The following KLHL41 variants were observed in gnomAD, a reference collection of about 807,000 sequenced individuals.
The protein encoded by KLHL41 is kelch like family member 41.
KLHL41 carries 31 observed loss-of-function variants against 49.2 expected under a neutral mutation model. The observed-to-expected ratio is 0.63, with a 90% confidence interval of 0.47 to 0.85. KLHL41 has a LOEUF of 0.85. Ranked by LOEUF, KLHL41 falls within the 40% of genes least tolerant of loss-of-function variation. The probability of loss-of-function intolerance (pLI) is 0.00; values close to 1 mark genes in which losing one functional copy is unlikely to be tolerated. For synonymous variants in KLHL41, 218 were observed against 258.5 expected, an observed-to-expected ratio of 0.84 and a Z score of 1.50; for missense variants, 663 against 726.7, an observed-to-expected ratio of 0.91 and a Z score of 1.01.
Position 169,510,917 on chromosome 2 carries a change from G to T in KLHL41, c.1110+29G>T. 6.3e-7 allele frequency: 1 copy of T among 1,582,098 alleles called. No individual in the cohort carries two copies. The highest frequency in any genetic ancestry group is 8.6e-7 in the Non-Finnish European group (1 of 1,160,722). Reference sequence around the variant, plus strand: ...AGAAGGACTTTTTGTATATGTAGTTGCTTAAAGGGAAGGCTGTTACTCACC... The same window carrying T: ...AGAAGGACTTTTTGTATATGTAGTTTCTTAAAGGGAAGGCTGTTACTCACC... On this transcript the variant is annotated intron_variant, in intron 1 of 5. Coordinates refer to ENST00000284669, the MANE Select transcript of KLHL41 (RefSeq NM_006063.3). The surrounding 1 kb of genome is among the most constrained non-coding windows in gnomAD (Gnocchi z 4.2).
intron 5 of KLHL41, among the ~76,000 whole-genome samples, chr2:169,521,593 A>G (rs1684205396): frequency 1.3e-5 from 2 of 151,928 alleles, no homozygotes; most frequent in Non-Finnish European, 2.9e-5. Flanking sequence ...GCATTTCGCC[A>G]TGTTGGCCAG....
intron 1 of KLHL41, among the ~76,000 whole-genome samples, chr2:169,513,179 A>C (rs1434302968): frequency 6.6e-6 from 1 of 152,178 alleles, no homozygotes; most frequent in African/African-American, 2.4e-5. Flanking sequence ...TGCTGTTTCC[A>C]TTTTTTAAAA....
chr2:169,516,946 G>A (rs998524712), intron 3 of KLHL41, among the ~76,000 whole-genome samples: 8 of 151,944 alleles, frequency 5.3e-5, no homozygotes, highest in Admixed American at 1.3e-4. Flanking sequence ...ACTTGAACCC[G>A]GGAGACAGTG....
chr2:169,514,684 C>G lies in KLHL41; in HGVS notation c.1221C>G (p.Asp407Glu), dbSNP rs1428005932. The change falls in exon 2 of 6, where the codon GAC (aspartate) becomes GAG (glutamate). Residue 407 changes from aspartate (D) to glutamate (E), a missense_variant. By Grantham distance (45) the Asp-to-Glu change is conservative. Transcript: ENST00000284669. ...AAATCTATGTAGTTGCAGGCAAAGA[C>G]CTTCAAACAGAGGCTTCGCTGGATT... Reference protein sequence around the residue: ...DDKIYVVAGKDLQTEASLDSV... With the variant: ...DDKIYVVAGKELQTEASLDSV... 1 of 1,614,016 alleles carries G rather than the reference C, an allele frequency of 6.2e-7. No individual in the cohort carries two copies. Among genetic ancestry groups the G allele is most frequent in the East Asian group, 2.2e-5 (1 of 44,862 alleles).
intron 1 of KLHL41, among the ~76,000 whole-genome samples, chr2:169,511,518 T>G (rs79822311): frequency 0.048 from 7,301 of 152,280 alleles, 205 homozygotes; most frequent in East Asian, 0.14. Flanking sequence ...AGCTCTAAAT[T>G]GGTCAGATTT....
Position 169,525,565 on chromosome 2 carries a change from C to CT in KLHL41, c.1710-11dup, listed in dbSNP as rs762591099. The CT allele has an allele frequency of 7.1e-4, 1,010 of 1,420,110 alleles. No homozygotes were observed. The highest frequency in any genetic ancestry group is 8.9e-4 in the Non-Finnish European group (901 of 1,007,602). 88.0% of individuals were successfully genotyped at this position (1,420,110 alleles called of 1,614,324 possible). A position where few individuals can be genotyped will look rare whatever the true frequency, so the allele number is the denominator to read the frequency against. On this transcript the variant is annotated intron_variant, in intron 5 of 5. Coordinates refer to ENST00000284669, the MANE Select transcript of KLHL41 (RefSeq NM_006063.3). ...TGGAACTAAAGCTGCTTATTGATTA[C>CT]TTTTTTTTTCCTCCATCAGGTATGA...
chr2:169,522,743 G>A (rs1449187400), intron 5 of KLHL41, among the ~76,000 whole-genome samples: 1 of 98,516 alleles, frequency 1.0e-5, no homozygotes, highest in African/African-American at 3.9e-5. Flanking sequence ...TTTTTGGTGA[G>A]ACAGAGTCTC....
chr2:169,520,310 G>A (rs957619568), intron 4 of KLHL41, among the ~76,000 whole-genome samples: 2 of 109,494 alleles, frequency 1.8e-5, no homozygotes, highest in South Asian at 4.3e-4. Flanking sequence ...GTGTGTGTGT[G>A]TATGTGTGTG....
rs376724200 is a variant in KLHL41 at position 169,520,888 on chromosome 2, A to G, written c.1590A>G (p.Gln530=). Reference sequence around the variant, plus strand: ...GGGATGTAATGACCGAATTTCCCCAAGAAAGAAGCTCCATCAGTTTGGTCA... The same window carrying G: ...GGGATGTAATGACCGAATTTCCCCAGGAAAGAAGCTCCATCAGTTTGGTCA... The part of the protein sequence containing the change: ...NKWDVMTEFP[Q]ERSSISLVSL... The change falls in exon 5 of 6, where the codon CAA becomes CAG. Residue 530 remains glutamine (Q), a synonymous_variant. Coordinates refer to ENST00000284669, the MANE Select transcript of KLHL41 (RefSeq NM_006063.3). 3.7e-6 allele frequency: 6 copies of G among 1,613,126 alleles called. No individual in the cohort carries two copies. In the African/African-American group the frequency reaches 8.0e-5, roughly 22 times the overall value.
At chr2:169,512,100 G>A in intron 1 of KLHL41, among the ~76,000 whole-genome samples, 1 of 152,156 alleles carries the variant, frequency 6.6e-6, no homozygotes, top group East Asian at 1.9e-4. Context: ...CTCAAAGTGT[G>A]TGATATACTT....
intron 1 of KLHL41, among the ~76,000 whole-genome samples, chr2:169,513,807 AAAGT>A (rs1226816705): frequency 6.6e-6 from 1 of 152,182 alleles, no homozygotes; most frequent in Admixed American, 6.5e-5. Context: ...TAAATTACCA[AAAGT>A]AAGTGATGAA....
At chr2:169,518,729 G>T (rs1372073678) in intron 4 of KLHL41, among the ~76,000 whole-genome samples, 1 of 152,224 alleles carries the variant, frequency 6.6e-6, no homozygotes, top group East Asian at 1.9e-4. Flanking sequence ...ACCCAGGCTG[G>T]AGTGCAGTGG....
chr2:169,518,360 A>T lies in KLHL41; in HGVS notation c.1547A>T (p.Asp516Val). ...DGLSASVEAFDLTTNKWDVMT... is the reference protein window; with the variant it reads ...DGLSASVEAFVLTTNKWDVMT... ...CTTTCAGCTTCAGTTGAAGCTTTTG[A>T]CCTTACAACAAATAAGTGAGTTGCC... The change falls in exon 4 of 6, where the codon GAC becomes GTC. Residue 516 changes from aspartate to valine, a missense_variant. Transcript: ENST00000284669. 1 of 1,611,530 alleles carries T rather than the reference A, an allele frequency of 6.2e-7. No individual in the cohort carries two copies. Among genetic ancestry groups the T allele is most frequent in the Non-Finnish European group, 8.5e-7 (1 of 1,178,898 alleles).
rs1684005928 is a variant in KLHL41, at chr2:169,510,059, C to A, written c.281C>A (p.Ala94Asp). 2 of 1,614,156 alleles carry A rather than the reference C, an allele frequency of 1.2e-6. No individual in the cohort carries two copies. ...TTAATCATCAAATACCTGTACTCTG[C>A]CAGTATTGATCTCAATGACGGAAAT... ...LDLIIKYLYS[A>D]SIDLNDGNVQ... Residue 94 changes from alanine (A) to aspartate (D), a missense_variant, in exon 1 of 6, where the codon GCC (alanine) becomes GAC (aspartate). Ala to Asp is a moderately radical substitution (Grantham distance 126, BLOSUM62 -2). Transcript: ENST00000284669. This position sits in a 1 kb window ranked among gnomAD's most constrained non-coding sequence, Gnocchi z 4.2.
Position 169,510,600 on chromosome 2 carries a change from G to A in KLHL41, c.822G>A (p.Gly274=). ...PEPSKNAAKT[G]AGEVNGDVGD... is the part of the protein sequence containing the mutation. Reference sequence around the variant, plus strand: ...CTAGCAAAAATGCCGCGAAGACTGGGGCTGGTGAGGTGAATGGTGATGTTG... The same window carrying A: ...CTAGCAAAAATGCCGCGAAGACTGGAGCTGGTGAGGTGAATGGTGATGTTG... The change falls in exon 1 of 6, where the codon GGG becomes GGA. Residue 274 remains glycine, a synonymous_variant. Coordinates refer to ENST00000284669, the MANE Select transcript of KLHL41 (RefSeq NM_006063.3). This position sits in a 1 kb window ranked among gnomAD's most constrained non-coding sequence, Gnocchi z 4.2. The A allele has an allele frequency of 1.9e-6, 3 of 1,614,152 alleles. No individual in the cohort carries two copies. The highest frequency in any genetic ancestry group is 2.5e-6 in the Non-Finnish European group (3 of 1,180,032).
rs781536513 is a variant in KLHL41 at position 169,510,737 on chromosome 2, C to A, written c.959C>A (p.Thr320Lys). 6.2e-7 allele frequency: 1 copy of A among 1,614,164 alleles called. No homozygotes were observed. The highest frequency in any genetic ancestry group is 1.1e-5 in the South Asian group (1 of 91,088). Residue 320 changes from threonine to lysine, a missense_variant, in exon 1 of 6, where the codon ACG becomes AAG. By Grantham distance (78) the Thr-to-Lys change is moderately conservative. Transcript: ENST00000284669. This position sits in a 1 kb window ranked among gnomAD's most constrained non-coding sequence, Gnocchi z 4.2. Reference sequence around the variant, plus strand: ...ACAGCAGCAGTGGCTTATGACCCCACGGAAAATGAATGCTACCTTACTGCA... The same window carrying A: ...ACAGCAGCAGTGGCTTATGACCCCAAGGAAAATGAATGCTACCTTACTGCA... ...NDTAAVAYDP[T>K]ENECYLTALA...
Position 169,518,057 on chromosome 2 carries a change from T to G in KLHL41, c.1377-133T>G, listed in dbSNP as rs530124379. ...TGGGCTTGTCCTTTGTTTAGTGGCA[T>G]ATGTTCAAATTAAGAATTCTTTGGA... On this transcript the variant is annotated intron_variant, in intron 3 of 5. Transcript: ENST00000284669. 7.9e-6 allele frequency: 5 copies of G among 635,670 alleles called. No homozygotes were observed. In the East Asian group the frequency reaches 1.4e-4, roughly 17 times the overall value. The allele number at this position is 635,670 out of a possible 1,614,324, so 39.4% of individuals were successfully genotyped here.
rs1448583183 is a variant in KLHL41, at chr2:169,526,227, G to A, written c.*531G>A. On this transcript the variant is annotated 3_prime_UTR_variant, in exon 6 of 6. Coordinates refer to ENST00000284669, the MANE Select transcript of KLHL41 (RefSeq NM_006063.3). Reference sequence around the variant, plus strand: ...TGGGGAAATCGTTTGATGGGGAAAAGTCTCTTGTAAGTAAAAGTAGTCAAA... The same window carrying A: ...TGGGGAAATCGTTTGATGGGGAAAAATCTCTTGTAAGTAAAAGTAGTCAAA... 1 of 152,234 alleles carries A rather than the reference G, an allele frequency of 6.6e-6. No individual in the cohort carries two copies. Among genetic ancestry groups the A allele is most frequent in the Non-Finnish European group, 1.5e-5 (1 of 68,038 alleles). 9.4% of individuals were successfully genotyped at this position (152,234 alleles called of 1,614,324 possible). A position where few individuals can be genotyped will look rare whatever the true frequency, so the allele number is the denominator to read the frequency against.
intron 5 of KLHL41, among the ~76,000 whole-genome samples, chr2:169,524,345 T>C (rs938507487): frequency 1.3e-5 from 2 of 152,074 alleles, no homozygotes; most frequent in African/African-American, 4.8e-5. Context: ...TCAGAGCATG[T>C]CTTATGTAGG....
Sources: gnomAD v4.1 joint callset for allele counts (sites outside exome capture counted in the v4.1 genomes callset) on GRCh38, gnomAD v4.1.1 for gene constraint, Gnocchi (gnomAD v3.1) non-coding constraint, MANE v1.5 for transcripts, NCBI Gene and HGNC (gene_info 2026-07-23, HGNC 2026-07-21) for gene names.